Variants in FAM120B observed in about 807,000 individuals in gnomAD.
FAM120B encodes constitutive coactivator of peroxisome proliferator-activated receptor gamma.
Under a neutral mutation model 96.3 loss-of-function variants are expected in FAM120B, and 83 were observed. The ratio of observed to expected loss-of-function variants is 0.86; its 90% CI spans 0.72 to 1.03. The LOEUF (loss-of-function observed/expected upper bound fraction) is 1.03. FAM120B is among the 50% of genes least tolerant of loss of function. FAM120B has a pLI of 0.00. For synonymous variants in FAM120B, 407 were observed against 402.7 expected (o/e 1.01, Z -0.13); for missense variants, 1,027 against 1,121.2 (o/e 0.92, Z 1.20).
In FAM120B at chr6:170,319,803, C is replaced by T. The variant is rs140129930; in HGVS notation, c.1734+679C>T. Among the ~76,000 whole-genome samples, 456 of 152,350 alleles carry T rather than the reference C, an allele frequency of 3.0e-3. 1 individual carries two copies. Among genetic ancestry groups the T allele is most frequent in the African/African-American group, 0.011 (438 of 41,586 alleles). ...CTAAAGGTGTAGCGTTTTGAATCTG[C>T]ATCACGCGGGGGCGCAGGGAGAAAG... is the stretch of plus-strand genomic sequence containing the variant. On this transcript the variant is annotated intron_variant, in intron 2 of 10. Transcript: ENST00000476287.
chr6:170,295,893 C>T lies in FAM120B; in HGVS notation c.48+440C>T, dbSNP rs1437434433. 1.3e-5 allele frequency among the ~76,000 whole-genome samples: 2 copies of T among 152,032 alleles called. No homozygotes were observed. The highest frequency in any genetic ancestry group is 1.3e-4 in the Admixed American group (2 of 15,288). ...CCAGGCCCGCTGCGAGCAGCGGAGG[C>T]ATGTGCTGATTTGCATGAGAACGGG... is the stretch of plus-strand genomic sequence containing the variant. On this transcript the variant is annotated intron_variant, in intron 1 of 10. Coordinates refer to the FAM120B transcript ENST00000537664. This position sits in a 1 kb window ranked among gnomAD's most constrained non-coding sequence, Gnocchi z 7.8.
chr6:170,379,863 A>G (rs1056002211), intron 6 of FAM120B, among the ~76,000 whole-genome samples: 2 of 152,202 alleles, frequency 1.3e-5, no homozygotes, highest in Non-Finnish European at 2.9e-5. Flanking sequence ...GTGTGTGGTA[A>G]AAGCACCTAA....
At chr6:170,300,760 A>G (rs960782695) in intron 1 of FAM120B, among the ~76,000 whole-genome samples, 5 of 152,228 alleles carry the variant, frequency 3.3e-5, no homozygotes, top group African/African-American at 9.6e-5. Context: ...CCAAAATCCA[A>G]TAGGGCAGTC....
At chr6:170,350,224 G>A (rs1787484166) in intron 5 of FAM120B, among the ~76,000 whole-genome samples, 1 of 152,200 alleles carries the variant, frequency 6.6e-6, no homozygotes, top group African/African-American at 2.4e-5. Flanking sequence ...CATTCTGCAG[G>A]CTGCACTTCC....
At chr6:170,347,827 T>G (rs1449517017) in intron 4 of FAM120B, among the ~76,000 whole-genome samples, 1 of 152,244 alleles carries the variant, frequency 6.6e-6, no homozygotes, top group Admixed American at 6.5e-5. Flanking sequence ...GCTGTGATAC[T>G]GCAGGGCGGC....
At chr6:170,296,142 C>A (rs1331910214) in intron 1 of FAM120B, among the ~76,000 whole-genome samples, 3 of 152,146 alleles carry the variant, frequency 2.0e-5, no homozygotes, top group Non-Finnish European at 2.9e-5. Context: ...CTGCTGCGGG[C>A]CCGCCCCGTG....
intron 4 of FAM120B, among the ~76,000 whole-genome samples, chr6:170,334,005 C>T (rs992613084): frequency 2.0e-5 from 3 of 152,200 alleles, no homozygotes; most frequent in African/African-American, 7.2e-5. Context: ...ACTTTCCTGA[C>T]GTTCTCCATT....
intron 4 of FAM120B, among the ~76,000 whole-genome samples, chr6:170,333,861 A>C (rs191829737): frequency 1.3e-5 from 2 of 152,098 alleles, no homozygotes; most frequent in African/African-American, 2.4e-5. Flanking sequence ...TTCTTTTACA[A>C]TATATCATGG....
intron 9 of FAM120B, among the ~76,000 whole-genome samples, chr6:170,402,445 G>C (rs1376398093): frequency 1.3e-5 from 2 of 152,236 alleles, no homozygotes; most frequent in African/African-American, 4.8e-5. Flanking sequence ...AAGTGAGTTA[G>C]TAGCTCTTCC....
Position 170,405,839 on chromosome 6 carries a change from T to C in FAM120B, c.*1088T>C, listed in dbSNP as rs1201914343. ...TTGCCAGGGCCTGGCTCAGGATTTT[T>C]TATGGCAGTGCCTGTGAAGACAAGC... On this transcript the variant is annotated 3_prime_UTR_variant, in exon 11 of 11. Coordinates refer to ENST00000476287, the MANE Select transcript of FAM120B (RefSeq NM_032448.3). 6.6e-6 allele frequency: 1 copy of C among 152,202 alleles called. No individual in the cohort carries two copies. Among genetic ancestry groups the C allele is most frequent in the Non-Finnish European group, 1.5e-5 (1 of 68,040 alleles). 9.4% of individuals were successfully genotyped at this position (152,202 alleles called of 1,614,324 possible). A position where few individuals can be genotyped will look rare whatever the true frequency, so the allele number is the denominator to read the frequency against.
At chr6:170,310,357 T>C (rs779260027) in intron 1 of FAM120B, among the ~76,000 whole-genome samples, 1 of 152,156 alleles carries the variant, frequency 6.6e-6, no homozygotes, top group Non-Finnish European at 1.5e-5. Context: ...CTGGGAATAA[T>C]GTAGGAAGGA....
intron 1 of FAM120B, among the ~76,000 whole-genome samples, chr6:170,309,111 G>C (rs914829989): frequency 6.6e-6 from 1 of 152,192 alleles, no homozygotes; most frequent in African/African-American, 2.4e-5. Flanking sequence ...GTTATACACT[G>C]TGTAAATTCA....
chr6:170,340,822 G>A (rs1786771676), intron 4 of FAM120B, among the ~76,000 whole-genome samples: 1 of 152,140 alleles, frequency 6.6e-6, no homozygotes, highest in Admixed American at 6.5e-5. Context: ...GGAGGCTGCA[G>A]AACAGCAAAT....
At chr6:170,398,443 G>C (rs1317859604) in intron 9 of FAM120B, among the ~76,000 whole-genome samples, 1 of 152,058 alleles carries the variant, frequency 6.6e-6, no homozygotes. Context: ...GAGAAAGGTA[G>C]AACTATGTCA....
chr6:170,372,135 T>C (rs1317262292), intron 6 of FAM120B, among the ~76,000 whole-genome samples: 1 of 152,160 alleles, frequency 6.6e-6, no homozygotes, highest in East Asian at 1.9e-4. Flanking sequence ...CAGTGTCTTG[T>C]TTTGCCATTT....
chr6:170,353,691 A>T (rs1787721961), intron 5 of FAM120B, among the ~76,000 whole-genome samples: 1 of 152,228 alleles, frequency 6.6e-6, no homozygotes, highest in African/African-American at 2.4e-5. Flanking sequence ...AAAGAATAAA[A>T]TACCTAGTAA....
intron 6 of FAM120B, among the ~76,000 whole-genome samples, chr6:170,375,990 C>G (rs1583288575): frequency 6.6e-6 from 1 of 152,086 alleles, no homozygotes; most frequent in East Asian, 1.9e-4. Flanking sequence ...CTAAAAAGGC[C>G]AGAGAATTCA....
At chr6:170,333,791 C>G (rs575796720) in intron 4 of FAM120B, among the ~76,000 whole-genome samples, 58 of 149,390 alleles carry the variant, frequency 3.9e-4, no homozygotes, top group African/African-American at 1.4e-3. Context: ...GCGTATGGGC[C>G]CCATCTTTAC....
chr6:170,358,158 A>T, intron 5 of FAM120B, 68 bp from the exon 6 acceptor site: 1 of 1,331,090 alleles, frequency 7.5e-7, no homozygotes, highest in South Asian at 1.3e-5. Context: ...TTAATAACTG[A>T]GATCAATTTG....
Sources: gnomAD v4.1 joint callset for allele counts (sites outside exome capture counted in the v4.1 genomes callset) on GRCh38, gnomAD v4.1.1 for gene constraint, Gnocchi (gnomAD v3.1) non-coding constraint, MANE v1.5 for transcripts, NCBI Gene and HGNC (gene_info 2026-07-23, HGNC 2026-07-21) for gene names.